Variants in ZC2HC1B observed in about 807,000 individuals in gnomAD.
ZC2HC1B encodes the protein zinc finger C2HC-type containing 1B, also known as zinc finger C2HC domain-containing protein 1B.
ZC2HC1B carries 36 observed loss-of-function variants against 31.0 expected under a neutral mutation model. That is an observed-to-expected ratio of 1.16 (90% CI 0.89 to 1.54). The LOEUF (loss-of-function observed/expected upper bound fraction) is 1.54. Ranked by LOEUF, ZC2HC1B falls within the 40% of genes most tolerant of loss-of-function variation. ZC2HC1B has a pLI of 0.00. For synonymous variants in ZC2HC1B, 73 were observed against 88.0 expected, an observed-to-expected ratio of 0.83 and a Z score of 0.95; for missense variants, 260 against 268.6, an observed-to-expected ratio of 0.97 and a Z score of 0.22.
chr6:143,927,468 A>T (rs1344505852), intron 6 of ZC2HC1B, among the ~76,000 whole-genome samples: 1 of 152,208 alleles, frequency 6.6e-6, no homozygotes, highest in Non-Finnish European at 1.5e-5. Flanking sequence ...ATGTAGCTGC[A>T]AAAGACATTA....
chr6:143,896,618 G>A (rs187886414), intron 4 of ZC2HC1B, among the ~76,000 whole-genome samples: 1 of 152,120 alleles, frequency 6.6e-6, no homozygotes. Flanking sequence ...CATTTAGTAT[G>A]TTCCACCCCG....
intron 4 of ZC2HC1B, among the ~76,000 whole-genome samples, chr6:143,891,229 G>T (rs1311167296): frequency 6.6e-6 from 1 of 151,610 alleles, no homozygotes; most frequent in African/African-American, 2.4e-5. Context: ...CCTATAAAAT[G>T]AAAATCTCAT....
intron 4 of ZC2HC1B, among the ~76,000 whole-genome samples, chr6:143,889,487 C>T (rs561899095): frequency 6.3e-4 from 96 of 151,950 alleles, no homozygotes; most frequent in African/African-American, 1.8e-3. Context: ...AATAAGAGCA[C>T]GGGAAAAGAT....
rs2128494009 is a variant in ZC2HC1B at position 143,886,009 on chromosome 6, A to G, written c.91-23A>G. The G allele has an allele frequency of 6.6e-7, 1 of 1,504,354 alleles. No homozygotes were observed. The highest frequency in any genetic ancestry group is 2.5e-5 in the East Asian group (1 of 39,890). The allele number at this position is 1,504,354 out of a possible 1,614,324, so 93.2% of individuals were successfully genotyped here. A position where few individuals can be genotyped will look rare whatever the true frequency, so the allele number is the denominator to read the frequency against. ...ACTGATTGTGCACTTTAGAAATTCC[A>G]ATCCCTACTCTTCGTTTTCTAGGAA... On this transcript the variant is annotated intron_variant, in intron 2 of 7. Coordinates refer to ENST00000237275, the MANE Select transcript of ZC2HC1B (RefSeq NM_001013623.3). This position sits in a 1 kb window ranked among gnomAD's most constrained non-coding sequence, Gnocchi z 4.2.
At chr6:143,927,639 T>G (rs190282572) in intron 6 of ZC2HC1B, among the ~76,000 whole-genome samples, 22 of 152,356 alleles carry the variant, frequency 1.4e-4, no homozygotes, top group Admixed American at 3.9e-4. Flanking sequence ...ATGATTCTTT[T>G]CCTTTGAGTA....
rs1033127591 is a variant in ZC2HC1B, at chr6:143,899,623, C to G, written c.489+932C>G. Among the ~76,000 whole-genome samples, 1 of 152,220 alleles carries G rather than the reference C, an allele frequency of 6.6e-6. No homozygotes were observed. On this transcript the variant is annotated intron_variant, in intron 5 of 7. Coordinates refer to ENST00000237275, the MANE Select transcript of ZC2HC1B (RefSeq NM_001013623.3). This position sits in a 1 kb window ranked among gnomAD's most constrained non-coding sequence, Gnocchi z 5.0. ...AACTCCTGGGCCCAAGCAATCTGCC[C>G]TCTTCAGCCTCCCAAAGTGCTAGAA...
chr6:143,904,707 A>G (rs777739141), intron 6 of ZC2HC1B, among the ~76,000 whole-genome samples: 2 of 152,068 alleles, frequency 1.3e-5, no homozygotes, highest in Non-Finnish European at 2.9e-5. Context: ...GTTTACTCCT[A>G]TGTTTTTGTC....
intron 1 of ZC2HC1B, among the ~76,000 whole-genome samples, chr6:143,867,628 T>C (rs75008936): frequency 0.02 from 3,060 of 152,236 alleles, 127 homozygotes; most frequent in African/African-American, 0.071. Context: ...GATCTAGAGA[T>C]CAGGACACAA....
chr6:143,872,267 T>C lies in ZC2HC1B; in HGVS notation c.28+7700T>C, dbSNP rs1445050219. On this transcript the variant is annotated intron_variant, in intron 1 of 7. Transcript: ENST00000237275. This position sits in a 1 kb window ranked among gnomAD's most constrained non-coding sequence, Gnocchi z 5.5. Reference sequence around the variant, plus strand: ...AAGGGGCCATGATTCTCTGTTTTTATAATTCAGATTAGTCTTTTGTCCATT... The same window carrying C: ...AAGGGGCCATGATTCTCTGTTTTTACAATTCAGATTAGTCTTTTGTCCATT... Among the ~76,000 whole-genome samples, 1 of 152,250 alleles carries C rather than the reference T, an allele frequency of 6.6e-6. No individual in the cohort carries two copies. Among genetic ancestry groups the C allele is most frequent in the Non-Finnish European group, 1.5e-5 (1 of 68,050 alleles).
chr6:143,902,897 GTC>G lies in ZC2HC1B; in HGVS notation c.490-145_490-144del. The G allele has an allele frequency of 4.4e-6, 3 of 677,700 alleles. 1 individual carries two copies. The South Asian group carries it at 5.5e-5, about 12-fold the overall frequency. 42.0% of individuals were successfully genotyped at this position (677,700 alleles called of 1,614,324 possible). A position where few individuals can be genotyped will look rare whatever the true frequency, so the allele number is the denominator to read the frequency against. On this transcript the variant is annotated intron_variant, in intron 5 of 7. Coordinates refer to ENST00000237275, the MANE Select transcript of ZC2HC1B (RefSeq NM_001013623.3). ...AGGCTAACTGAAGTGCAGGGTGTGT[GTC>G]TGTCCCCTTCCCCTGGATTCAGGGA...
intron 4 of ZC2HC1B, among the ~76,000 whole-genome samples, chr6:143,893,457 A>G (rs1032075860): frequency 4.6e-5 from 7 of 151,988 alleles, no homozygotes; most frequent in Non-Finnish European, 8.8e-5. Flanking sequence ...AATCCCAGCT[A>G]CTTGGGAGGC....
At chr6:143,866,402 A>G (rs963341473) in intron 1 of ZC2HC1B, among the ~76,000 whole-genome samples, 10 of 152,252 alleles carry the variant, frequency 6.6e-5, no homozygotes, top group African/African-American at 1.9e-4. Context: ...TCGTGATCAC[A>G]TGGCTGACTG....
chr6:143,935,142 G>GTGGGCAGGT (rs1291712604), intron 6 of ZC2HC1B, among the ~76,000 whole-genome samples: 1 of 151,998 alleles, frequency 6.6e-6, no homozygotes, highest in Admixed American at 6.6e-5. Flanking sequence ...GCTGGTGGTG[G>GTGGGCAGGT]TGGGTCAATC....
Position 143,871,912 on chromosome 6 carries a change from C to G in ZC2HC1B, c.28+7345C>G, listed in dbSNP as rs780020184. 6.6e-6 allele frequency among the ~76,000 whole-genome samples: 1 copy of G among 152,110 alleles called. No individual in the cohort carries two copies. Among genetic ancestry groups the G allele is most frequent in the Non-Finnish European group, 1.5e-5 (1 of 68,020 alleles). On this transcript the variant is annotated intron_variant, in intron 1 of 7. Transcript: ENST00000237275. This position sits in a 1 kb window ranked among gnomAD's most constrained non-coding sequence, Gnocchi z 4.1. ...TGAGTCCAGGGATCCACTGGACCCA[C>G]TGTAATTCGGACCTGAGCTGAAACT...
rs1228823681 is a variant in ZC2HC1B, at chr6:143,867,984, T to TA, written c.28+3418dup. Among the ~76,000 whole-genome samples the TA allele has an allele frequency of 3.3e-5, 5 of 152,308 alleles. No individual in the cohort carries two copies. In the East Asian group the frequency reaches 9.6e-4, roughly 29 times the overall value. ...TTTTGGGAACTTGGATGTCTGGAAA[T>TA]ATATTCTACTCTTATGTTGGATTGA... On this transcript the variant is annotated intron_variant, in intron 1 of 7. Transcript: ENST00000237275.
intron 6 of ZC2HC1B, among the ~76,000 whole-genome samples, chr6:143,904,469 C>T (rs550595136): frequency 1.3e-5 from 2 of 152,296 alleles, no homozygotes; most frequent in Admixed American, 1.3e-4. Context: ...TCAAGTGATC[C>T]TCCCACCTCA....
Position 143,886,941 on chromosome 6 carries a change from A to C in ZC2HC1B, c.349+120A>C. ...ACATAGAAGTAATTTTATTAATTAT[A>C]TAAAAGTAAACATCCTATTTTTTTC... On this transcript the variant is annotated intron_variant, in intron 4 of 7. Coordinates refer to ENST00000237275, the MANE Select transcript of ZC2HC1B (RefSeq NM_001013623.3). The surrounding 1 kb of genome is among the most constrained non-coding windows in gnomAD (Gnocchi z 4.2). 1 of 1,030,046 alleles carries C rather than the reference A, an allele frequency of 9.7e-7. No individual in the cohort carries two copies. The highest frequency in any genetic ancestry group is 1.3e-6 in the Non-Finnish European group (1 of 769,126). 63.8% of individuals were successfully genotyped at this position (1,030,046 alleles called of 1,614,324 possible). A position where few individuals can be genotyped will look rare whatever the true frequency, so the allele number is the denominator to read the frequency against.
chr6:143,930,417 T>C (rs1281959269), intron 6 of ZC2HC1B, among the ~76,000 whole-genome samples: 9 of 146,886 alleles, frequency 6.1e-5, no homozygotes, highest in Admixed American at 1.4e-4. Context: ...GACGGAGTCT[T>C]GCTCTGTCGC....
At position 143,903,146 on chromosome 6, in the gene ZC2HC1B, A is replaced by G; in HGVS notation, c.592A>G (p.Lys198Glu). Residue 198 changes from lysine to glutamate, a missense_variant, in exon 6 of 8, where the codon AAG becomes GAG. Coordinates refer to ENST00000237275, the MANE Select transcript of ZC2HC1B (RefSeq NM_001013623.3). This position sits in a 1 kb window ranked among gnomAD's most constrained non-coding sequence, Gnocchi z 4.3. ...GGTGGCCACGAATGAAGTCCCAACCAAGTCAGGTGAGTCAAAGCACGCATT... is the reference window on the plus strand; with the variant it reads ...GGTGGCCACGAATGAAGTCCCAACCGAGTCAGGTGAGTCAAAGCACGCATT... ...VLVATNEVPT[K>E]SGLAMDPASG... The G allele has an allele frequency of 1.9e-6, 3 of 1,552,142 alleles. No homozygotes were observed. The highest frequency in any genetic ancestry group is 2.6e-6 in the Non-Finnish European group (3 of 1,147,048).
Sources: gnomAD v4.1 joint callset for allele counts (sites outside exome capture counted in the v4.1 genomes callset) on GRCh38, gnomAD v4.1.1 for gene constraint, Gnocchi (gnomAD v3.1) non-coding constraint, MANE v1.5 for transcripts, NCBI Gene and HGNC (gene_info 2026-07-23, HGNC 2026-07-21) for gene names.